The following SYT2 variants were observed in gnomAD, a reference collection of about 807,000 sequenced individuals.
SYT2 encodes synaptotagmin 2, also known as synaptotagmin-2.
A neutral mutation model predicts 39.9 loss-of-function variants in SYT2; 15 were observed. That is an observed-to-expected ratio of 0.38 (90% CI 0.25 to 0.58). The LOEUF is 0.58. Ranked by LOEUF, SYT2 falls within the 20% of genes least tolerant of loss-of-function variation. The probability of loss-of-function intolerance (pLI) is 0.70; values close to 1 mark genes in which losing one functional copy is unlikely to be tolerated. For synonymous variants in SYT2, 181 were observed against 204.5 expected (o/e 0.89, Z 0.98); for missense variants, 389 against 530.3 (o/e 0.73, Z 2.62).
intron 1 of SYT2, among the ~76,000 whole-genome samples, chr1:202,677,379 A>C (rs1242994665): frequency 6.6e-6 from 1 of 152,240 alleles, no homozygotes; most frequent in Non-Finnish European, 1.5e-5. Context: ...GACTAAGGCT[A>C]GGTAATGAAA....
In SYT2 at chr1:202,668,130, T is replaced by C. The variant is rs532531278; in HGVS notation, c.-18+42128A>G. Among the ~76,000 whole-genome samples the C allele has an allele frequency of 9.8e-4, 149 of 152,326 alleles. 2 individuals carry two copies. The highest frequency in any genetic ancestry group is 3.4e-3 in the African/African-American group (140 of 41,564). ...GAACAGAATAGAGGCAGAAGATCTA[T>C]AGCCCCCCAGAGTATAAAATCATTG... On this transcript the variant is annotated intron_variant, in intron 1 of 8. Transcript: ENST00000367268.
At chr1:202,632,673 G>C in intron 1 of SYT2, 2 of 798,144 alleles carry the variant, frequency 2.5e-6, no homozygotes, top group Non-Finnish European at 3.0e-6. Context: ...TGCCCCGGAG[G>C]AATCCAGAGC....
At chr1:202,660,647 A>G (rs1692358993) in intron 1 of SYT2, among the ~76,000 whole-genome samples, 1 of 152,140 alleles carries the variant, frequency 6.6e-6, no homozygotes, top group Non-Finnish European at 1.5e-5. Context: ...AACATTTTTA[A>G]TTTAAAAAAT....
chr1:202,627,578 G>T, intron 1 of SYT2: 1 of 985,322 alleles, frequency 1.0e-6, no homozygotes, highest in Non-Finnish European at 1.2e-6. Context: ...CTCCCCATGG[G>T]GAAAGGAGAT....
At chr1:202,613,067 C>CTTTTTTTTTTTTTTTTTTTTTTTT (rs1690930669) in intron 1 of SYT2, among the ~76,000 whole-genome samples, 2 of 121,604 alleles carry the variant, frequency 1.6e-5, no homozygotes. Flanking sequence ...ATTGGTTCTT[C>CTTTTTTTTTTTTTTTTTTTTTTTT]CTTTTTTTTT....
chr1:202,664,715 A>C (rs1403347107), intron 1 of SYT2, among the ~76,000 whole-genome samples: 1 of 152,228 alleles, frequency 6.6e-6, no homozygotes, highest in Non-Finnish European at 1.5e-5. Context: ...GCTGAAGTGC[A>C]ATGGCGCGAT....
intron 1 of SYT2, among the ~76,000 whole-genome samples, chr1:202,652,262 A>G (rs987342346): frequency 1.3e-5 from 2 of 152,154 alleles, no homozygotes; most frequent in African/African-American, 2.4e-5. Flanking sequence ...CCTGGGGAGA[A>G]ATAAACATAT....
intron 1 of SYT2, among the ~76,000 whole-genome samples, chr1:202,671,237 C>T (rs188867269): frequency 4.6e-5 from 7 of 152,338 alleles, no homozygotes; most frequent in Admixed American, 3.9e-4. Flanking sequence ...GAACCAGAGG[C>T]AGCCCCTGAT....
chr1:202,601,425 C>A lies in SYT2; in HGVS notation c.801+465G>T, dbSNP rs967642789. Among the ~76,000 whole-genome samples, 3 of 152,188 alleles carry A rather than the reference C, an allele frequency of 2.0e-5. No individual in the cohort carries two copies. Among genetic ancestry groups the A allele is most frequent in the African/African-American group, 7.2e-5 (3 of 41,446 alleles). On this transcript the variant is annotated intron_variant, in intron 6 of 8. Transcript: ENST00000367268. This position sits in a 1 kb window ranked among gnomAD's most constrained non-coding sequence, Gnocchi z 4.0. ...AATGGCTAAAATGGAGTTTTAGGTA[C>A]ACAGCAATTGCTCAGCAAATATTTA...
At chr1:202,681,664 G>A (rs1379909363) in intron 1 of SYT2, among the ~76,000 whole-genome samples, 1 of 152,174 alleles carries the variant, frequency 6.6e-6, no homozygotes, top group East Asian at 1.9e-4. Flanking sequence ...TGTCCTCTGG[G>A]TAAGGGGACG....
chr1:202,603,105 GCGT>G lies in SYT2; in HGVS notation c.356_358del (p.Asp119del), dbSNP rs1425031974. 2 of 1,614,066 alleles carry G rather than the reference GCGT, an allele frequency of 1.2e-6. No homozygotes were observed. The highest frequency in any genetic ancestry group is 2.2e-5 in the East Asian group (1 of 44,878). ...TTCCCCCTCAGTCAGGCCTGTCTCT[GCGT>G]CGTCGTCATCCTGTGGGAGCTGGGG... On this transcript the variant is annotated inframe_deletion, in exon 4 of 9. Transcript: ENST00000367268.
In SYT2 at chr1:202,710,362, T is replaced by A. The variant is rs1473162005; in HGVS notation, c.-122A>T. On this transcript the variant is annotated 5_prime_UTR_variant, in exon 1 of 9. Transcript: ENST00000367268. ...GGCGACGGTTTCGCAGGGGCGCCCG[T>A]TCCCCTGGGGGCGCGAAGTCCCCGC... 2 of 152,318 alleles carry A rather than the reference T, an allele frequency of 1.3e-5. No homozygotes were observed. Among genetic ancestry groups the A allele is most frequent in the African/African-American group, 4.8e-5 (2 of 41,474 alleles). 9.4% of individuals were successfully genotyped at this position (152,318 alleles called of 1,614,324 possible).
chr1:202,596,678 A>C lies in SYT2; in HGVS notation c.*79T>G. 1.5e-6 allele frequency: 2 copies of C among 1,342,438 alleles called. No individual in the cohort carries two copies. The highest frequency in any genetic ancestry group is 2.1e-6 in the Non-Finnish European group (2 of 970,342). 83.2% of individuals were successfully genotyped at this position (1,342,438 alleles called of 1,614,324 possible). On this transcript the variant is annotated 3_prime_UTR_variant, in exon 9 of 9. Transcript: ENST00000367268. ...AAATGAAAGAAAAAAGAAAACCTCT[A>C]AGGTTGCATAACTGAGGTATTGATA...
In SYT2 at chr1:202,605,760, A is replaced by C; in HGVS notation, c.13T>G (p.Phe5Val). MRNIFKRNQEPIVAP... is the reference protein window; with the variant it reads MRNIVKRNQEPIVAP... ...ACAATAGGCTCCTGGTTCCTCTTGA[A>C]AATGTTCCTCATGGTGGCAGAGGAA... Residue 5 changes from phenylalanine (F) to valine (V), a missense_variant, in exon 2 of 9, where the codon TTC becomes GTC. Phe to Val is a conservative substitution (Grantham distance 50, BLOSUM62 -1). This residue lies in a region of SYT2 where 280 missense variants were observed against 335.6 expected (regional missense o/e 0.83). Coordinates refer to ENST00000367268, the MANE Select transcript of SYT2 (RefSeq NM_177402.5). 1.2e-6 allele frequency: 2 copies of C among 1,614,066 alleles called. No homozygotes were observed. The highest frequency in any genetic ancestry group is 1.7e-6 in the Non-Finnish European group (2 of 1,179,944).
At chr1:202,619,114 C>A (rs1378318089) in intron 1 of SYT2, among the ~76,000 whole-genome samples, 1 of 152,204 alleles carries the variant, frequency 6.6e-6, no homozygotes, top group Non-Finnish European at 1.5e-5. Context: ...GCTCCTATGG[C>A]TGGGGAGGAA....
Position 202,694,875 on chromosome 1 carries a change from C to T in SYT2, c.-18+15383G>A, listed in dbSNP as rs148599158. ...ACAACTGTGCATACATTCTTCTCTC[C>T]AACATGTCTATACCCACACTCATAT... On this transcript the variant is annotated intron_variant, in intron 1 of 8. Transcript: ENST00000367268. Among the ~76,000 whole-genome samples the T allele has an allele frequency of 4.6e-3, 698 of 152,122 alleles. 7 individuals are homozygous for T. The highest frequency in any genetic ancestry group is 0.016 in the African/African-American group (666 of 41,484).
At chr1:202,663,590 T>G (rs1479740584) in intron 1 of SYT2, among the ~76,000 whole-genome samples, 7 of 152,238 alleles carry the variant, frequency 4.6e-5, no homozygotes, top group African/African-American at 1.7e-4. Context: ...GGTACAAAGG[T>G]GAGTATAATA....
intron 1 of SYT2, among the ~76,000 whole-genome samples, chr1:202,692,384 A>T (rs928889957): frequency 1.3e-5 from 2 of 152,106 alleles, no homozygotes; most frequent in Non-Finnish European, 2.9e-5. Context: ...GGTATCTGGG[A>T]TAATAAATAT....
intron 2 of SYT2, among the ~76,000 whole-genome samples, chr1:202,604,843 T>G (rs939258963): frequency 3.1e-5 from 2 of 64,106 alleles, no homozygotes; most frequent in African/African-American, 4.0e-5. Flanking sequence ...TTTTTTTTTT[T>G]GCCTACTGTC....
Sources: allele counts gnomAD v4.1 joint callset (sites outside exome capture counted in the v4.1 genomes callset), GRCh38; gene constraint gnomAD v4.1.1; regional missense constraint gnomAD v4.1.1; non-coding constraint Gnocchi (gnomAD v3.1); transcripts MANE v1.5; gene names NCBI Gene and HGNC (gene_info 2026-07-23, HGNC 2026-07-21).